Variants in GAD1 observed in about 807,000 individuals in gnomAD.
GAD1 encodes glutamate decarboxylase 1.
GAD1 carries 35 observed loss-of-function variants against 75.2 expected under a neutral mutation model. That is an observed-to-expected ratio of 0.47 (90% CI 0.36 to 0.62). The LOEUF is 0.62. GAD1 is among the 20% of genes least tolerant of loss of function. The probability of loss-of-function intolerance (pLI) is 0.00; values close to 1 mark genes in which losing one functional copy is unlikely to be tolerated. For missense variants in GAD1, 490 were observed against 758.5 expected (o/e 0.65, Z 4.16); for synonymous variants, 257 against 271.9 (o/e 0.95, Z 0.54).
At chr2:170,848,645 G>A (rs1039220554) in intron 11 of GAD1, 3 of 489,406 alleles carry the variant, frequency 6.1e-6, no homozygotes, top group Non-Finnish European at 1.2e-5. Context: ...GTGACTGGGT[G>A]TATTTTTTTT....
At chr2:170,845,410 A>G (rs1194422129) in intron 7 of GAD1, 96 bp from the exon 8 acceptor site, 31 of 1,058,234 alleles carry the variant, frequency 2.9e-5, no homozygotes, top group Non-Finnish European at 4.3e-5. Context: ...TCGCTTCCTG[A>G]CCTCCCTTGT....
intron 3 of GAD1, among the ~76,000 whole-genome samples, chr2:170,823,040 T>C (rs1701931665): frequency 6.6e-6 from 1 of 152,278 alleles, no homozygotes; most frequent in African/African-American, 2.4e-5. Flanking sequence ...TGAGTGATTC[T>C]GGCTGAACAA....
At chr2:170,815,268 G>C (rs968288663), upstream of GAD1, among the ~76,000 whole-genome samples, 7 of 152,178 alleles carry the variant, frequency 4.6e-5, no homozygotes, top group African/African-American at 1.7e-4. Flanking sequence ...TCAGTGCCCG[G>C]GGCTGCAGTC....
intron 5 of GAD1, among the ~76,000 whole-genome samples, chr2:170,831,716 T>A (rs1702233769): frequency 7.1e-6 from 1 of 140,796 alleles, no homozygotes; most frequent in Non-Finnish European, 1.5e-5. Context: ...TAATAAAATT[T>A]AAAAATAATA....
At chr2:170,841,539 CAAAAT>C (rs58390443) in intron 6 of GAD1, among the ~76,000 whole-genome samples, 51,147 of 151,486 alleles carry the variant, frequency 0.34, 10,391 homozygotes, top group Non-Finnish European at 0.46. Context: ...CATCTCTACA[CAAAAT>C]AAAATAAAAT....
At chr2:170,839,450 C>G (rs938023979) in intron 6 of GAD1, among the ~76,000 whole-genome samples, 1 of 151,804 alleles carries the variant, frequency 6.6e-6, no homozygotes, top group Non-Finnish European at 1.5e-5. Flanking sequence ...TCCATGTCTA[C>G]TAAAAACACA....
At chr2:170,835,375 CCCTACCTGAATTTAGG>C (rs1290514992) in intron 5 of GAD1, among the ~76,000 whole-genome samples, 2 of 152,162 alleles carry the variant, frequency 1.3e-5, no homozygotes, top group Non-Finnish European at 2.9e-5. Flanking sequence ...TTCCTTCTCC[CCCTACCTGAATTTAGG>C]CCATGAGCGG....
chr2:170,832,656 GCGCGCGCGCA>G (rs1473144584), intron 5 of GAD1, among the ~76,000 whole-genome samples: 24 of 39,174 alleles, frequency 6.1e-4, no homozygotes, highest in African/African-American at 8.8e-4. Flanking sequence ...ACACATGCGC[GCGCGCGCGCA>G]CACACACACA....
chr2:170,831,259 G>A, intron 5 of GAD1, 67 bp downstream of exon 5: 1 of 1,554,226 alleles, frequency 6.4e-7, no homozygotes, highest in Non-Finnish European at 8.9e-7. Flanking sequence ...TGCCAGTTGT[G>A]AGGATATCAA....
intron 11 of GAD1, among the ~76,000 whole-genome samples, chr2:170,848,326 C>T (rs768683427): frequency 6.6e-5 from 10 of 151,846 alleles, no homozygotes; most frequent in South Asian, 2.1e-4. Context: ...GGTGAAACCC[C>T]GTCTCTACTA....
In GAD1 at chr2:170,818,541, C is replaced by T; in HGVS notation, c.-51C>T. On this transcript the variant is annotated 5_prime_UTR_variant, in exon 2 of 17. Transcript: ENST00000358196. This position sits in a 1 kb window ranked among gnomAD's most constrained non-coding sequence, Gnocchi z 5.9. ...CTTCTCTTTGCAGCCTGTTTCTGCG[C>T]CGGACCAGTCGAGGACTCTGGACAG... The T allele has an allele frequency of 6.5e-7, 1 of 1,533,804 alleles. No individual in the cohort carries two copies. The highest frequency in any genetic ancestry group is 9.0e-7 in the Non-Finnish European group (1 of 1,106,712).
chr2:170,830,633 C>G (rs555820818), intron 4 of GAD1, among the ~76,000 whole-genome samples: 1 of 152,336 alleles, frequency 6.6e-6, no homozygotes, highest in East Asian at 1.9e-4. Flanking sequence ...GATGCCCCCT[C>G]CATCACACTC....
chr2:170,830,943 A>C lies in GAD1; in HGVS notation c.305-7A>C. 1 of 1,614,110 alleles carries C rather than the reference A, an allele frequency of 6.2e-7. No homozygotes were observed. The highest frequency in any genetic ancestry group is 8.5e-7 in the Non-Finnish European group (1 of 1,180,018). On this transcript the variant is annotated splice_polypyrimidine_tract_variant and splice_region_variant and intron_variant, in intron 4 of 16. Coordinates refer to ENST00000358196, the MANE Select transcript of GAD1 (RefSeq NM_000817.3). ...GTGAAAACCATTCATTGCTCTCCCC[A>C]ATTCAGATCTGCTTCCGGCTAAGAA...
intron 3 of GAD1, among the ~76,000 whole-genome samples, chr2:170,828,218 A>G (rs1393807310): frequency 5.1e-5 from 2 of 38,902 alleles, no homozygotes; most frequent in African/African-American, 8.5e-5. Flanking sequence ...TGCTATCCTC[A>G]CCCCTCCTCT....
intron 11 of GAD1, 65 bp from the exon 12 acceptor site, chr2:170,849,221 C>T: frequency 7.3e-7 from 1 of 1,370,378 alleles, no homozygotes; most frequent in Non-Finnish European, 1.0e-6. Flanking sequence ...GAAGTGAGGA[C>T]TGACTAGTTT....
intron 14 of GAD1, 39 bp downstream of exon 14, chr2:170,854,061 A>G: frequency 6.2e-7 from 1 of 1,612,852 alleles, no homozygotes; most frequent in South Asian, 1.1e-5. Flanking sequence ...GCAGAAATGT[A>G]ATTTGCACAG....
At chr2:170,816,676 T>C (rs1701704690), upstream of GAD1, 2 of 152,364 alleles carry the variant, frequency 1.3e-5, no homozygotes, top group East Asian at 3.9e-4. Flanking sequence ...GACCTTTTTT[T>C]TTTCCTTCCG....
rs1263696281 is a variant in GAD1, at chr2:170,828,212, ATCCTCACCCCTCCTCTTTCTGCTG to A, written c.146-1246_146-1223del. On this transcript the variant is annotated intron_variant, in intron 3 of 16. Transcript: ENST00000358196. Reference sequence around the variant, plus strand: ...TGTCCTCACCTCTCCTCTCTCTGCTATCCTCACCCCTCCTCTTTCTGCTGTCCTCACCCCTCCTCTCTCTGCTGT... The same window carrying A: ...TGTCCTCACCTCTCCTCTCTCTGCTATCCTCACCCCTCCTCTCTCTGCTGT... Among the ~76,000 whole-genome samples the A allele has an allele frequency of 8.3e-4, 53 of 63,482 alleles. 2 individuals are homozygous for A. The highest frequency in any genetic ancestry group is 1.7e-3 in the African/African-American group (32 of 18,700). 41.6% of individuals were successfully genotyped at this position (63,482 alleles called of 152,430 possible). A position where few individuals can be genotyped will look rare whatever the true frequency, so the allele number is the denominator to read the frequency against.
At chr2:170,849,816 A>C (rs1452371316) in intron 12 of GAD1, among the ~76,000 whole-genome samples, 1 of 152,252 alleles carries the variant, frequency 6.6e-6, no homozygotes, top group Non-Finnish European at 1.5e-5. Flanking sequence ...CAGTGAGGGG[A>C]ATTGGAGGCC....
Sources: gnomAD v4.1 joint callset for allele counts (sites outside exome capture counted in the v4.1 genomes callset) on GRCh38, gnomAD v4.1.1 for gene constraint, Gnocchi (gnomAD v3.1) non-coding constraint, MANE v1.5 for transcripts, NCBI Gene and HGNC (gene_info 2026-07-23, HGNC 2026-07-21) for gene names.